The following RANBP10 variants were observed in gnomAD, a reference collection of about 807,000 sequenced individuals.
RANBP10 encodes the protein ran-binding protein 10.
In RANBP10, 24 loss-of-function variants were observed where a neutral mutation model predicts 72.8. The ratio of observed to expected loss-of-function variants is 0.33; its 90% CI spans 0.24 to 0.46. The LOEUF (loss-of-function observed/expected upper bound fraction) is 0.46, where lower values mean the gene tolerates loss of function less well. Among genes scored for constraint, RANBP10 ranks in the 20% least tolerant of loss-of-function variants. The probability of loss-of-function intolerance (pLI) is 1.00; values close to 1 mark genes in which losing one functional copy is unlikely to be tolerated. For synonymous variants in RANBP10, 310 were observed against 322.3 expected (o/e 0.96, Z 0.41); for missense variants, 679 against 817.5 (o/e 0.83, Z 2.07).
In RANBP10 at chr16:67,761,074, C is replaced by T. The variant is rs1361910880; in HGVS notation, c.400+10960G>A. On this transcript the variant is annotated intron_variant, in intron 3 of 13. Transcript: ENST00000317506. ...CAGTTGGATTCACCTGCCCTGCTTC[C>T]GAGTCATTTAGCCAAGAGTTCTGAC... is the stretch of plus-strand genomic sequence containing the variant. 4.3e-4 allele frequency among the ~76,000 whole-genome samples: 66 copies of T among 152,206 alleles called. 1 individual carries two copies. The highest frequency in any genetic ancestry group is 1.5e-4 in the Non-Finnish European group (10 of 68,044).
At chr16:67,749,290 C>T (rs944786902) in intron 3 of RANBP10, among the ~76,000 whole-genome samples, 1 of 152,210 alleles carries the variant, frequency 6.6e-6, no homozygotes, top group South Asian at 2.1e-4. Flanking sequence ...TGAGCTTTCA[C>T]ATCTTTTTAT....
rs565247044 is a variant in RANBP10, at chr16:67,771,979, C to T, written c.400+55G>A. ...GCCTCTCTGCTACCACCATGACTCT[C>T]AACCCCAATTGGATCAGGAGAGCAG... On this transcript the variant is annotated intron_variant, in intron 3 of 13. Coordinates refer to ENST00000317506, the MANE Select transcript of RANBP10 (RefSeq NM_020850.3). The T allele has an allele frequency of 7.6e-6, 12 of 1,578,124 alleles. 1 individual carries two copies. In the South Asian group the frequency reaches 1.3e-4, roughly 17 times the overall value.
chr16:67,769,443 CA>C (rs768960411), intron 3 of RANBP10, among the ~76,000 whole-genome samples: 4 of 30,280 alleles, frequency 1.3e-4, no homozygotes, highest in Non-Finnish European at 1.7e-4. Context: ...GACCCTGTCT[CA>C]AAAAAAAAAA....
At chr16:67,779,103 A>C (rs2054765899) in intron 2 of RANBP10, among the ~76,000 whole-genome samples, 1 of 151,588 alleles carries the variant, frequency 6.6e-6, no homozygotes, top group African/African-American at 2.4e-5. Context: ...ATAAAAATAA[A>C]ATAAAAATAG....
chr16:67,767,446 C>A (rs952257891), intron 3 of RANBP10, among the ~76,000 whole-genome samples: 3 of 137,870 alleles, frequency 2.2e-5, no homozygotes, highest in Non-Finnish European at 3.1e-5. Flanking sequence ...AACAGCGAGA[C>A]CCTGTTTCAA....
At chr16:67,743,489 T>C (rs2054008679) in intron 4 of RANBP10, among the ~76,000 whole-genome samples, 1 of 152,160 alleles carries the variant, frequency 6.6e-6, no homozygotes. Flanking sequence ...TCTCTTCCTC[T>C]CAAGCCCTAA....
At position 67,744,430 on chromosome 16, in the gene RANBP10, G is replaced by T; in HGVS notation, c.426C>A (p.Tyr142Ter). ...LPGWDKHSYG[Y>*]HGDDGHSFCS... Reference sequence around the variant, plus strand: ...AGAACGAATGCCCATCATCACCATGGTAACCATAGGAATGTTTGTCCCAAC... The same window carrying T: ...AGAACGAATGCCCATCATCACCATGTTAACCATAGGAATGTTTGTCCCAAC... Residue 142 changes from tyrosine to a stop codon, truncating the protein, a stop_gained, in exon 4 of 14, where the codon TAC becomes TAA. Transcript: ENST00000317506. LOFTEE classifies it high-confidence loss of function. 6.2e-7 allele frequency: 1 copy of T among 1,614,000 alleles called. No homozygotes were observed. The highest frequency in any genetic ancestry group is 1.7e-5 in the Admixed American group (1 of 59,984).
intron 2 of RANBP10, among the ~76,000 whole-genome samples, chr16:67,791,159 G>A (rs542081741): frequency 2.5e-4 from 38 of 151,882 alleles, no homozygotes; most frequent in African/African-American, 8.0e-4. Flanking sequence ...GACTGTAGGC[G>A]TGTGCGACCA....
intron 1 of RANBP10, 49 bp from the exon 2 acceptor site, chr16:67,805,588 G>T: frequency 1.3e-6 from 2 of 1,508,724 alleles, no homozygotes; most frequent in South Asian, 1.2e-5. Context: ...AAATGCAAAT[G>T]GAAGCCTCAT....
intron 3 of RANBP10, among the ~76,000 whole-genome samples, chr16:67,746,986 C>A (rs2054093212): frequency 6.6e-6 from 1 of 152,186 alleles, no homozygotes; most frequent in African/African-American, 2.4e-5. Context: ...ATAAAGCCAA[C>A]AAATATTTGC....
At chr16:67,788,556 C>CT (rs1232931633) in intron 2 of RANBP10, among the ~76,000 whole-genome samples, 4 of 151,110 alleles carry the variant, frequency 2.6e-5, no homozygotes, top group Admixed American at 6.6e-5. Flanking sequence ...GCGCCCAGCC[C>CT]TTTTTTTTGT....
intron 2 of RANBP10, among the ~76,000 whole-genome samples, chr16:67,792,908 A>G (rs992778712): frequency 2.0e-5 from 3 of 152,086 alleles, no homozygotes; most frequent in Non-Finnish European, 4.4e-5. Flanking sequence ...GCACTATCAA[A>G]GCACCCCGAG....
At chr16:67,742,307 A>G (rs576835843) in intron 4 of RANBP10, among the ~76,000 whole-genome samples, 1 of 152,302 alleles carries the variant, frequency 6.6e-6, no homozygotes, top group East Asian at 1.9e-4. Context: ...TATATTTTTT[A>G]ACAGTAACTT....
Position 67,729,522 on chromosome 16 carries a change from C to G in RANBP10, c.1148-38G>C. ...GTGACAGTCAGAAGAGGAGGGGCAG[C>G]TTCCCATGAAATGAAGCCCCAAGAA... is the stretch of plus-strand genomic sequence containing the variant. On this transcript the variant is annotated intron_variant, in intron 9 of 13. Coordinates refer to ENST00000317506, the MANE Select transcript of RANBP10 (RefSeq NM_020850.3). This position sits in a 1 kb window ranked among gnomAD's most constrained non-coding sequence, Gnocchi z 7.1. 2 of 1,590,992 alleles carry G rather than the reference C, an allele frequency of 1.3e-6. No individual in the cohort carries two copies. Among genetic ancestry groups the G allele is most frequent in the South Asian group, 2.3e-5 (2 of 88,666 alleles).
chr16:67,756,167 A>G (rs1401339701), intron 3 of RANBP10, among the ~76,000 whole-genome samples: 1 of 151,894 alleles, frequency 6.6e-6, no homozygotes. Flanking sequence ...GAGATGGAAG[A>G]CTCCTGTAGG....
At chr16:67,748,878 C>A (rs1186562602) in intron 3 of RANBP10, among the ~76,000 whole-genome samples, 1 of 152,136 alleles carries the variant, frequency 6.6e-6, no homozygotes, top group Non-Finnish European at 1.5e-5. Flanking sequence ...AGGCACCCCT[C>A]CAGGTAGCTT....
chr16:67,737,493 C>T (rs1249371825), intron 5 of RANBP10, among the ~76,000 whole-genome samples: 2 of 151,708 alleles, frequency 1.3e-5, no homozygotes, highest in African/African-American at 2.4e-5. Context: ...TGAGCCACCG[C>T]ACCCGGCCAG....
At position 67,726,265 on chromosome 16, in the gene RANBP10, G is replaced by C. The variant is rs372991375; in HGVS notation, c.*163C>G. 5 of 1,072,212 alleles carry C rather than the reference G, an allele frequency of 4.7e-6. No homozygotes were observed. The highest frequency in any genetic ancestry group is 2.7e-5 in the East Asian group (1 of 37,520). 66.4% of individuals were successfully genotyped at this position (1,072,212 alleles called of 1,614,324 possible). A position where few individuals can be genotyped will look rare whatever the true frequency, so the allele number is the denominator to read the frequency against. ...GAGAGACTGAGCGGGGTGGTGGGCA[G>C]AGAAAGGAAGGAAGGAAGGAAAGGG... On this transcript the variant is annotated 3_prime_UTR_variant, in exon 14 of 14. Transcript: ENST00000317506.
At chr16:67,773,856 A>G (rs546033835) in intron 2 of RANBP10, among the ~76,000 whole-genome samples, 5 of 152,368 alleles carry the variant, frequency 3.3e-5, no homozygotes, top group African/African-American at 4.8e-5. Context: ...TATAGCCTGT[A>G]GCTGGACAGG....
Sources: allele counts gnomAD v4.1 joint callset (sites outside exome capture counted in the v4.1 genomes callset), GRCh38; gene constraint gnomAD v4.1.1; non-coding constraint Gnocchi (gnomAD v3.1); transcripts MANE v1.5; gene names NCBI Gene and HGNC (gene_info 2026-07-23, HGNC 2026-07-21).